Variants in PRSS57 observed in about 807,000 individuals in gnomAD.
PRSS57 encodes the protein serine protease 57.
A neutral mutation model predicts 20.6 loss-of-function variants in PRSS57; 19 were observed. The observed-to-expected ratio is 0.92, with a 90% CI of 0.64 to 1.35. PRSS57 has a LOEUF of 1.35. Among genes scored for constraint, PRSS57 ranks in the 40% most tolerant of loss-of-function variants. The probability of loss-of-function intolerance (pLI) is 0.00; values close to 1 mark genes in which losing one functional copy is unlikely to be tolerated. For synonymous variants in PRSS57, 203 were observed against 176.6 expected (o/e 1.15, Z -1.19); for missense variants, 440 against 403.7 (o/e 1.09, Z -0.77).
At chr19:693,229 C>CGT (rs1171032187) in intron 2 of PRSS57, among the ~76,000 whole-genome samples, 2 of 109,128 alleles carry the variant, frequency 1.8e-5, no homozygotes, top group Non-Finnish European at 3.7e-5. Flanking sequence ...CCGCACCCGG[C>CGT]CTTTTTTTTT....
At chr19:692,904 T>C (rs961866217) in intron 2 of PRSS57, among the ~76,000 whole-genome samples, 1 of 151,750 alleles carries the variant, frequency 6.6e-6, no homozygotes, top group Non-Finnish European at 1.5e-5. Context: ...ACTACAGTAA[T>C]TTCAATATTC....
In PRSS57 at chr19:685,786, A is replaced by G; in HGVS notation, c.779T>C (p.Val260Ala). Residue 260 changes from valine to alanine, a missense_variant, in exon 5 of 5, where the codon GTG becomes GCG. Physicochemically the swap from Val to Ala is moderately conservative, Grantham distance 64 (BLOSUM62 0). Coordinates refer to ENST00000329267, the MANE Select transcript of PRSS57 (RefSeq NM_001308209.2). ...VSAFVAWIWD[V>A]VRRSSPQPGP... is the part of the protein sequence containing the mutation. Reference sequence around the variant, plus strand: ...GGGCTGGGGACTGCTCCGCCGAACCACGTCCCAGATCCAGGCCACAAAGGC... The same window carrying G: ...GGGCTGGGGACTGCTCCGCCGAACCGCGTCCCAGATCCAGGCCACAAAGGC... 1 of 1,566,552 alleles carries G rather than the reference A, an allele frequency of 6.4e-7. No individual in the cohort carries two copies. Among genetic ancestry groups the G allele is most frequent in the East Asian group, 2.4e-5 (1 of 42,076 alleles).
chr19:694,822 G>A lies in PRSS57; in HGVS notation c.225C>T (p.Phe75=), dbSNP rs945190883. Residue 75 remains phenylalanine, a synonymous_variant, in exon 2 of 5, where the codon TTC becomes TTT. Coordinates refer to ENST00000329267, the MANE Select transcript of PRSS57 (RefSeq NM_001308209.2). ...ARWVVSAAHC[F]SHRDLRTGLV... is the part of the protein sequence containing the mutation. ...CCGACAGGTGAGCTCACCTGTGGCTGAAGCAGTGGGCGGCCGAGACCACCC... is the reference window on the plus strand; with the variant it reads ...CCGACAGGTGAGCTCACCTGTGGCTAAAGCAGTGGGCGGCCGAGACCACCC... The A allele has an allele frequency of 1.2e-6, 2 of 1,607,374 alleles. No individual in the cohort carries two copies. Among genetic ancestry groups the A allele is most frequent in the Non-Finnish European group, 1.7e-6 (2 of 1,177,770 alleles).
At chr19:692,606 A>G (rs1256644970) in intron 2 of PRSS57, among the ~76,000 whole-genome samples, 1 of 151,696 alleles carries the variant, frequency 6.6e-6, no homozygotes, top group East Asian at 2.0e-4. Context: ...CAGTAGAGAC[A>G]GGGTTTCACC....
rs992490752 is a variant in PRSS57, at chr19:686,842, C to A, written c.642+83G>T. ...TCCAACATCAATGGGACTCAGTTCC[C>A]AAGGCCCTTCCTGGCCCTGACCCTC... On this transcript the variant is annotated intron_variant, in intron 4 of 4. Transcript: ENST00000329267. 6 of 1,501,994 alleles carry A rather than the reference C, an allele frequency of 4.0e-6. No homozygotes were observed. The African/African-American group carries it at 8.3e-5, about 21-fold the overall frequency. 93.0% of individuals were successfully genotyped at this position (1,501,994 alleles called of 1,614,324 possible). A position where few individuals can be genotyped will look rare whatever the true frequency, so the allele number is the denominator to read the frequency against.
intron 3 of PRSS57, 97 bp from the exon 4 acceptor site, chr19:687,285 G>A: frequency 7.4e-7 from 1 of 1,358,138 alleles, no homozygotes. Context: ...CCCTTGTGAA[G>A]CAAAATCAAT....
Position 691,956 on chromosome 19 carries a change from T to C in PRSS57, c.280A>G (p.Thr94Ala), listed in dbSNP as rs920417264. ...AACACCTGCTGGGTGGGCTCCGCAG[T>C]ACTCAGGACGTGGGCGCCCAGCACC... The part of the protein sequence containing the change: ...LVVLGAHVLS[T>A]AEPTQQVFGI... Residue 94 changes from threonine (T) to alanine (A), a missense_variant, in exon 3 of 5, where the codon ACT (threonine) becomes GCT (alanine). By Grantham distance (58) the Thr-to-Ala change is moderately conservative. Coordinates refer to ENST00000329267, the MANE Select transcript of PRSS57 (RefSeq NM_001308209.2). The C allele has an allele frequency of 7.5e-7, 1 of 1,330,312 alleles. No individual in the cohort carries two copies. The allele number at this position is 1,330,312 out of a possible 1,614,324, so 82.4% of individuals were successfully genotyped here.
rs760506252 is a variant in PRSS57 at position 686,912 on chromosome 19, G to A, written c.642+13C>T. On this transcript the variant is annotated intron_variant, in intron 4 of 4. Coordinates refer to ENST00000329267, the MANE Select transcript of PRSS57 (RefSeq NM_001308209.2). ...CCACACAGTAAGTGGGTGGAGCAGG[G>A]AGGGGATCTTACCGAGCAGAAGCCC... 1 of 1,610,460 alleles carries A rather than the reference G, an allele frequency of 6.2e-7. No homozygotes were observed. Among genetic ancestry groups the A allele is most frequent in the Non-Finnish European group, 8.5e-7 (1 of 1,177,696 alleles).
chr19:689,401 T>C (rs1006883235), intron 3 of PRSS57, among the ~76,000 whole-genome samples: 1 of 151,912 alleles, frequency 6.6e-6, no homozygotes. Context: ...TCGCGGTGTC[T>C]GGGGAACTGG....
chr19:689,731 C>T (rs2031584221), intron 3 of PRSS57, among the ~76,000 whole-genome samples: 1 of 152,100 alleles, frequency 6.6e-6, no homozygotes, highest in African/African-American at 2.4e-5. Flanking sequence ...CCAGCCTGGG[C>T]AACATGGTGA....
intron 3 of PRSS57, among the ~76,000 whole-genome samples, chr19:687,518 T>C (rs1489107794): frequency 6.6e-6 from 1 of 152,144 alleles, no homozygotes; most frequent in Non-Finnish European, 1.5e-5. Flanking sequence ...CGATTTCTCC[T>C]GCCTCAGCCT....
chr19:692,980 T>C (rs1211779275), intron 2 of PRSS57, among the ~76,000 whole-genome samples: 1 of 151,602 alleles, frequency 6.6e-6, no homozygotes, highest in African/African-American at 2.4e-5. Flanking sequence ...CAGGCAAGAT[T>C]GCAGTGGTGC....
At chr19:688,622 G>T (rs1219747555) in intron 3 of PRSS57, among the ~76,000 whole-genome samples, 2 of 66,020 alleles carry the variant, frequency 3.0e-5, no homozygotes, top group Admixed American at 1.2e-4. Context: ...TTTTTCAGAT[G>T]GAGTCTCACT....
chr19:690,309 G>GA (rs386388337), intron 3 of PRSS57: 16,160 of 143,442 alleles, frequency 0.11, 982 homozygotes, highest in Middle Eastern at 0.15. Context: ...GATACTGTCT[G>GA]AAAAAAAAAA....
rs185839972 is a variant in PRSS57, at chr19:685,614, C to T, written c.*102G>A. 33 of 1,181,636 alleles carry T rather than the reference C, an allele frequency of 2.8e-5. No individual in the cohort carries two copies. The Admixed American group carries it at 2.8e-4, about 10-fold the overall frequency. 73.2% of individuals were successfully genotyped at this position (1,181,636 alleles called of 1,614,324 possible). ...GGAATGGGTGTGCCCCACCGCTGCC[C>T]GTCCCACCCCAACCCTGAACATCAG... On this transcript the variant is annotated 3_prime_UTR_variant, in exon 5 of 5. Transcript: ENST00000329267.
chr19:686,391 C>G (rs900650100), intron 4 of PRSS57, among the ~76,000 whole-genome samples: 5 of 151,970 alleles, frequency 3.3e-5, no homozygotes, highest in African/African-American at 1.2e-4. Flanking sequence ...CATCTAGAAT[C>G]CGCTCTGATA....
intron 3 of PRSS57, chr19:690,640 G>A (rs996457894): frequency 1.7e-5 from 4 of 239,216 alleles, no homozygotes; most frequent in African/African-American, 6.9e-5. Context: ...AGATTATGCC[G>A]GTGCAGAAGC....
chr19:689,017 T>TA (rs777418360), intron 3 of PRSS57, among the ~76,000 whole-genome samples: 13 of 152,114 alleles, frequency 8.5e-5, no homozygotes, highest in South Asian at 2.1e-4. Context: ...ATAAAGGTGA[T>TA]AAAAAATCCC....
At chr19:689,694 G>A (rs1476332916) in intron 3 of PRSS57, among the ~76,000 whole-genome samples, 3 of 152,132 alleles carry the variant, frequency 2.0e-5, no homozygotes, top group Non-Finnish European at 2.9e-5. Flanking sequence ...TGAGGCAGGA[G>A]GATTGCCTGA....
Sources: gnomAD v4.1 joint callset for allele counts (sites outside exome capture counted in the v4.1 genomes callset) on GRCh38, gnomAD v4.1.1 for gene constraint, MANE v1.5 for transcripts, NCBI Gene and HGNC (gene_info 2026-07-23, HGNC 2026-07-21) for gene names.